MED12L: variants seen among roughly 807,000 people sequenced by gnomAD.
MED12L encodes the protein mediator of RNA polymerase II transcription subunit 12-like protein.
MED12L carries 60 observed loss-of-function variants against 281.3 expected under a neutral mutation model. That is an observed-to-expected ratio of 0.21 (90% CI 0.17 to 0.26). The LOEUF (loss-of-function observed/expected upper bound fraction) is 0.26, where lower values mean the gene tolerates loss of function less well. Ranked by LOEUF, MED12L falls within the 10% of genes least tolerant of loss-of-function variation. MED12L has a pLI of 1.00. For synonymous variants in MED12L, 974 were observed against 987.2 expected, an observed-to-expected ratio of 0.99 and a Z score of 0.25; for missense variants, 2,146 against 2,680.9, an observed-to-expected ratio of 0.80 and a Z score of 4.41.
intron 16 of MED12L, among the ~76,000 whole-genome samples, chr3:151,221,282 G>C (rs1053802697): frequency 8.5e-5 from 13 of 152,324 alleles, no homozygotes; most frequent in Middle Eastern, 3.4e-3. Flanking sequence ...CAGAAAATTT[G>C]CAGCCTGACA....
intron 16 of MED12L, among the ~76,000 whole-genome samples, chr3:151,224,351 A>G (rs1236483566): frequency 6.6e-6 from 1 of 152,210 alleles, no homozygotes; most frequent in East Asian, 1.9e-4. Flanking sequence ...GTATCAATAG[A>G]AAATAGTATA....
rs1321005892 is a variant in MED12L, at chr3:151,159,858, C to T, written c.864C>T (p.Ala288=). The T allele has an allele frequency of 4.3e-6, 7 of 1,614,112 alleles. No homozygotes were observed. Among genetic ancestry groups the T allele is most frequent in the South Asian group, 1.1e-5 (1 of 91,082 alleles). ...ATTCAGATGAGTTTGTTCAGTCGGC[C>T]TACCTGTCTCGTCGTCTTGCCTACT... is the stretch of plus-strand genomic sequence containing the variant. ...LQYSDEFVQS[A]YLSRRLAYFC... The change falls in exon 8 of 45, where the codon GCC becomes GCT. Residue 288 remains alanine, a synonymous_variant. Transcript: ENST00000687756.
chr3:151,233,823 G>A (rs747418538), intron 16 of MED12L, among the ~76,000 whole-genome samples: 7 of 152,176 alleles, frequency 4.6e-5, no homozygotes, highest in Non-Finnish European at 7.3e-5. Context: ...TCTGCCATCC[G>A]CCTTTCTCCG....
At chr3:151,359,829 T>C (rs1754388509) in intron 20 of MED12L, among the ~76,000 whole-genome samples, 2 of 152,108 alleles carry the variant, frequency 1.3e-5, no homozygotes. Flanking sequence ...TGTTTACAGC[T>C]GTGGTGTATG....
chr3:151,198,150 T>C (rs1724931886), intron 16 of MED12L: 1 of 258,650 alleles, frequency 3.9e-6, no homozygotes, highest in Non-Finnish European at 7.4e-6. Flanking sequence ...TGGACCTCTT[T>C]TGGATTTCAA....
intron 11 of MED12L, among the ~76,000 whole-genome samples, chr3:151,171,935 C>T (rs1290459222): frequency 6.6e-6 from 1 of 152,162 alleles, no homozygotes; most frequent in African/African-American, 2.4e-5. Context: ...ATGCATGGGG[C>T]CCAGGAGATG....
At chr3:151,146,063 A>G (rs1717713551) in intron 5 of MED12L, among the ~76,000 whole-genome samples, 1 of 152,160 alleles carries the variant, frequency 6.6e-6, no homozygotes, top group African/African-American at 2.4e-5. Context: ...ACCAAACTCC[A>G]TAGCTTGCCA....
chr3:151,193,951 G>GT (rs1357457130), intron 16 of MED12L, among the ~76,000 whole-genome samples: 6 of 137,112 alleles, frequency 4.4e-5, no homozygotes, highest in East Asian at 2.1e-4. Flanking sequence ...GTCTAAATGT[G>GT]TTTTTTTTCT....
chr3:151,341,692 G>A (rs112245477), intron 16 of MED12L, among the ~76,000 whole-genome samples: 3,313 of 151,610 alleles, frequency 0.022, 117 homozygotes, highest in African/African-American at 0.078. Flanking sequence ...TCGTCATTTA[G>A]CATTAGGTAT....
At chr3:151,307,530 GCT>G (rs796097015) in intron 16 of MED12L, among the ~76,000 whole-genome samples, 296 of 122,312 alleles carry the variant, frequency 2.4e-3, no homozygotes, top group Non-Finnish European at 3.8e-3. Flanking sequence ...CAGGTAACTT[GCT>G]CTGTGTGTGT....
intron 43 of MED12L, among the ~76,000 whole-genome samples, chr3:151,419,238 T>C (rs1489595056): frequency 6.6e-6 from 1 of 152,186 alleles, no homozygotes; most frequent in African/African-American, 2.4e-5. Context: ...GGAATAGATA[T>C]GTATATATAA....
chr3:151,137,905 T>C (rs1716383201), intron 5 of MED12L, among the ~76,000 whole-genome samples: 1 of 152,160 alleles, frequency 6.6e-6, no homozygotes, highest in African/African-American at 2.4e-5. Context: ...GGTTTGATTT[T>C]TTTCCCTTAT....
intron 16 of MED12L, chr3:151,328,095 A>G: frequency 4.3e-6 from 7 of 1,610,132 alleles, no homozygotes; most frequent in Non-Finnish European, 5.9e-6. Context: ...AATTTTTTAC[A>G]TAAGAATATG....
intron 43 of MED12L, among the ~76,000 whole-genome samples, 181 bp from the exon 44 acceptor site, chr3:151,430,118 G>A (rs951944732): frequency 6.6e-6 from 1 of 152,208 alleles, no homozygotes; most frequent in Non-Finnish European, 1.5e-5. Context: ...GGGTACTTCA[G>A]ATGTTCACCA....
chr3:151,358,289 A>G (rs1178002299), intron 20 of MED12L, among the ~76,000 whole-genome samples: 1 of 152,150 alleles, frequency 6.6e-6, no homozygotes, highest in Non-Finnish European at 1.5e-5. Context: ...ACATATTAGA[A>G]TTCAGGAAAT....
chr3:151,186,360 G>A (rs1003033815), intron 12 of MED12L, among the ~76,000 whole-genome samples: 5 of 152,056 alleles, frequency 3.3e-5, no homozygotes, highest in Non-Finnish European at 7.4e-5. Flanking sequence ...CGATCTTTTC[G>A]AAATGTAAAT....
At chr3:151,415,642 G>T (rs1717454895) in intron 42 of MED12L, among the ~76,000 whole-genome samples, 1 of 152,202 alleles carries the variant, frequency 6.6e-6, no homozygotes, top group South Asian at 2.1e-4. Context: ...TGTTTGGGTG[G>T]AGGAAATTTT....
At chr3:151,278,024 C>T (rs762902856) in intron 16 of MED12L, among the ~76,000 whole-genome samples, 4 of 152,136 alleles carry the variant, frequency 2.6e-5, no homozygotes, top group Non-Finnish European at 5.9e-5. Flanking sequence ...ATCTCTTCAT[C>T]ACAGATATAT....
chr3:151,365,713 CA>C, intron 22 of MED12L, 136 bp from the exon 23 acceptor site: 1 of 760,236 alleles, frequency 1.3e-6, no homozygotes, highest in African/African-American at 1.7e-5. Context: ...AGTTATTTGA[CA>C]AATGAGTATT....
Sources: allele counts gnomAD v4.1 joint callset (sites outside exome capture counted in the v4.1 genomes callset), GRCh38; gene constraint gnomAD v4.1.1; transcripts MANE v1.5; gene names NCBI Gene and HGNC (gene_info 2026-07-23, HGNC 2026-07-21).